The following CNTNAP2 variants were observed in gnomAD, a reference collection of about 807,000 sequenced individuals.
The protein encoded by CNTNAP2 is contactin-associated protein-like 2.
CNTNAP2 carries 98 observed loss-of-function variants against 155.2 expected under a neutral mutation model. That is an observed-to-expected ratio of 0.63 (90% CI 0.54 to 0.75). The LOEUF is 0.75. Among genes scored for constraint, CNTNAP2 ranks in the 30% least tolerant of loss-of-function variants. The probability of loss-of-function intolerance (pLI) is 0.00; values close to 1 mark genes in which losing one functional copy is unlikely to be tolerated. For synonymous variants in CNTNAP2, 651 were observed against 631.2 expected, an observed-to-expected ratio of 1.03 and a Z score of -0.47; for missense variants, 1,727 against 1,688.1, an observed-to-expected ratio of 1.02 and a Z score of -0.40.
In CNTNAP2 at chr7:147,481,918, C is replaced by T. The variant is rs140094451; in HGVS notation, c.1671-4017C>T. ...GCTACTAAAAAAATTAGTTTATTAG[C>T]GCAAGAGTCTGGATTTGAGAATAAA... On this transcript the variant is annotated intron_variant, in intron 10 of 23. Transcript: ENST00000361727. 1.1e-4 allele frequency among the ~76,000 whole-genome samples: 16 copies of T among 152,070 alleles called. No homozygotes were observed. The South Asian group carries it at 1.7e-3, about 16-fold the overall frequency.
intron 1 of CNTNAP2, among the ~76,000 whole-genome samples, chr7:146,167,054 A>C (rs1798322742): frequency 6.6e-6 from 1 of 151,866 alleles, no homozygotes; most frequent in Non-Finnish European, 1.5e-5. Flanking sequence ...GGGGAATTTT[A>C]ATTGATAGTG....
intron 3 of CNTNAP2, among the ~76,000 whole-genome samples, chr7:147,040,172 A>C (rs1460780948): frequency 6.6e-6 from 1 of 152,218 alleles, no homozygotes; most frequent in Non-Finnish European, 1.5e-5. Context: ...AAAAGTGGCC[A>C]ACAAGCCTAT....
At chr7:148,076,271 G>A (rs754055766) in intron 15 of CNTNAP2, among the ~76,000 whole-genome samples, 3 of 152,018 alleles carry the variant, frequency 2.0e-5, no homozygotes, top group Non-Finnish European at 2.9e-5. Flanking sequence ...ACTTGGGCAT[G>A]TTGTTGATAT....
intron 8 of CNTNAP2, among the ~76,000 whole-genome samples, chr7:147,299,401 G>A (rs917223028): frequency 6.7e-6 from 1 of 150,320 alleles, no homozygotes; most frequent in African/African-American, 2.4e-5. Context: ...AAGTGCCATT[G>A]TTGGGGATAT....
intron 14 of CNTNAP2, among the ~76,000 whole-genome samples, chr7:147,930,871 AAAAT>A (rs1182738283): frequency 6.6e-6 from 1 of 152,252 alleles, no homozygotes; most frequent in Non-Finnish European, 1.5e-5. Context: ...AATGAAATCA[AAAAT>A]AAATAACAGA....
intron 13 of CNTNAP2, among the ~76,000 whole-genome samples, chr7:147,817,747 C>T (rs1038951616): frequency 6.6e-5 from 10 of 151,042 alleles, no homozygotes; most frequent in African/African-American, 2.4e-4. Flanking sequence ...ACTAAAAATA[C>T]AAAAAAAATT....
At chr7:146,616,068 T>G (rs538615183) in intron 1 of CNTNAP2, among the ~76,000 whole-genome samples, 1 of 152,268 alleles carries the variant, frequency 6.6e-6, no homozygotes, top group South Asian at 2.1e-4. Context: ...ACTGCTCCAT[T>G]TGTTTTTTTC....
Position 146,760,409 on chromosome 7 carries a change from C to CTTTTTTTTTTT in CNTNAP2, c.98-13839_98-13829dup, listed in dbSNP as rs532820418. Among the ~76,000 whole-genome samples, 88 of 56,290 alleles carry CTTTTTTTTTTT rather than the reference C, an allele frequency of 1.6e-3. 16 individuals carry two copies. Among genetic ancestry groups the CTTTTTTTTTTT allele is most frequent in the African/African-American group, 6.6e-3 (78 of 11,800 alleles). 36.9% of individuals were successfully genotyped at this position (56,290 alleles called of 152,430 possible). On this transcript the variant is annotated intron_variant, in intron 1 of 23. Transcript: ENST00000361727. ...CACCTCTGTATCATCTCCAATTTACCTTTTTTTTTTTTTTTTTTTTTTTTT... is the reference window on the plus strand; with the variant it reads ...CACCTCTGTATCATCTCCAATTTACCTTTTTTTTTTTTTTTTTTTTTTTTTTTTTTTTTTTT...
intron 1 of CNTNAP2, among the ~76,000 whole-genome samples, chr7:146,462,001 T>C (rs1231914689): frequency 2.6e-5 from 4 of 152,242 alleles, no homozygotes; most frequent in African/African-American, 9.6e-5. Context: ...AGTGCAAATA[T>C]TACTTTAAAT....
intron 12 of CNTNAP2, among the ~76,000 whole-genome samples, chr7:147,592,992 A>T (rs1057068378): frequency 2.0e-5 from 3 of 152,220 alleles, no homozygotes; most frequent in Non-Finnish European, 4.4e-5. Flanking sequence ...GAAAAACAAG[A>T]TTAAACCTTA....
chr7:148,391,341 G>C (rs530265013), intron 22 of CNTNAP2, among the ~76,000 whole-genome samples: 3 of 144,384 alleles, frequency 2.1e-5, no homozygotes, highest in South Asian at 2.2e-4. Flanking sequence ...CTGGGCAGTA[G>C]AGAAAGATCA....
intron 1 of CNTNAP2, among the ~76,000 whole-genome samples, chr7:146,750,460 A>G (rs1801884016): frequency 6.6e-6 from 1 of 152,170 alleles, no homozygotes; most frequent in Non-Finnish European, 1.5e-5. Context: ...AACTTGACTC[A>G]TGATTTTGAT....
At position 147,284,085 on chromosome 7, in the gene CNTNAP2, C is replaced by T. The variant is rs768449277; in HGVS notation, c.1349-16056C>T. 5.1e-4 allele frequency among the ~76,000 whole-genome samples: 77 copies of T among 151,556 alleles called. 1 individual carries two copies. The highest frequency in any genetic ancestry group is 8.3e-4 in the Non-Finnish European group (56 of 67,774). ...GTTTAATGTTTAGAGTCATCCAGAACGGCAAGTACAAATGTGAAGCCAAAA... is the reference window on the plus strand; with the variant it reads ...GTTTAATGTTTAGAGTCATCCAGAATGGCAAGTACAAATGTGAAGCCAAAA... On this transcript the variant is annotated intron_variant, in intron 8 of 23. Transcript: ENST00000361727.
chr7:147,446,893 T>A (rs1797748396), intron 10 of CNTNAP2, among the ~76,000 whole-genome samples: 1 of 152,134 alleles, frequency 6.6e-6, no homozygotes, highest in Non-Finnish European at 1.5e-5. Flanking sequence ...TCAAGGTCAG[T>A]GTGACTAAAG....
intron 11 of CNTNAP2, among the ~76,000 whole-genome samples, chr7:147,508,550 T>C (rs1026435751): frequency 7.9e-5 from 12 of 152,220 alleles, no homozygotes; most frequent in African/African-American, 2.4e-4. Flanking sequence ...GAGAATTTGA[T>C]GCCATGACTT....
intron 1 of CNTNAP2, among the ~76,000 whole-genome samples, chr7:146,554,072 G>A (rs1446927076): frequency 2.0e-5 from 3 of 152,046 alleles, no homozygotes; most frequent in South Asian, 2.1e-4. Context: ...TATTAACACC[G>A]ATTCATATCC....
At chr7:146,206,058 A>T (rs1265283122) in intron 1 of CNTNAP2, among the ~76,000 whole-genome samples, 1 of 151,968 alleles carries the variant, frequency 6.6e-6, no homozygotes, top group African/African-American at 2.4e-5. Context: ...TTTACACATT[A>T]TTCACAATAC....
chr7:147,591,531 G>T (rs1386537760), intron 12 of CNTNAP2, among the ~76,000 whole-genome samples: 3 of 152,104 alleles, frequency 2.0e-5, no homozygotes, highest in Non-Finnish European at 4.4e-5. Context: ...ACACAATTCA[G>T]CACATGAGTA....
At chr7:147,420,619 G>T (rs1156455792) in intron 10 of CNTNAP2, among the ~76,000 whole-genome samples, 2 of 152,090 alleles carry the variant, frequency 1.3e-5, no homozygotes, top group African/African-American at 4.8e-5. Context: ...CCAAGGCAGG[G>T]TTGCATATTT....
Sources: gnomAD v4.1 joint callset for allele counts (sites outside exome capture counted in the v4.1 genomes callset) on GRCh38, gnomAD v4.1.1 for gene constraint, MANE v1.5 for transcripts, NCBI Gene and HGNC (gene_info 2026-07-23, HGNC 2026-07-21) for gene names.